The following JAK2 variants were observed in gnomAD, a reference collection of about 807,000 sequenced individuals.
JAK2 encodes the protein Janus kinase 2.
A neutral mutation model predicts 139.3 loss-of-function variants in JAK2; 86 were observed. The ratio of observed to expected loss-of-function variants is 0.62; its 90% CI spans 0.52 to 0.74. The LOEUF (loss-of-function observed/expected upper bound fraction) is 0.74. JAK2 is among the 30% of genes least tolerant of loss of function. The probability of loss-of-function intolerance (pLI) is 0.00; values close to 1 mark genes in which losing one functional copy is unlikely to be tolerated. For synonymous variants in JAK2, 490 were observed against 437.7 expected, an observed-to-expected ratio of 1.12 and a Z score of -1.49; for missense variants, 1,421 against 1,360.3, an observed-to-expected ratio of 1.04 and a Z score of -0.70.
chr9:5,037,741 A>G (rs1206474432), intron 4 of JAK2, among the ~76,000 whole-genome samples: 1 of 152,104 alleles, frequency 6.6e-6, no homozygotes, highest in African/African-American at 2.4e-5. Flanking sequence ...AGCATTAGGA[A>G]ATATACCTAA....
chr9:5,007,203 CAT>C (rs1821359820), intron 2 of JAK2, among the ~76,000 whole-genome samples: 1 of 151,952 alleles, frequency 6.6e-6, no homozygotes, highest in African/African-American at 2.4e-5. Flanking sequence ...TATTTAATAA[CAT>C]TGTTCAGCCT....
intron 8 of JAK2, among the ~76,000 whole-genome samples, chr9:5,059,052 G>A (rs758609675): frequency 2.0e-5 from 3 of 152,002 alleles, no homozygotes; most frequent in Non-Finnish European, 4.4e-5. Flanking sequence ...AACTTTTGTT[G>A]CCTATTTTTC....
At chr9:5,085,515 A>C in intron 19 of JAK2, 1 of 717,868 alleles carries the variant, frequency 1.4e-6, no homozygotes, top group Non-Finnish European at 2.6e-6. Context: ...GAAGAAATTC[A>C]CCACACACCA....
In JAK2 at chr9:5,089,945, G is replaced by C. The variant is rs1050101906; in HGVS notation, c.2761+82G>C. On this transcript the variant is annotated intron_variant, in intron 20 of 24. Coordinates refer to ENST00000381652, the MANE Select transcript of JAK2 (RefSeq NM_004972.4). ...TAATATAAATGTACAATGTCTTAACGATCTGGACTTATGCCAATGCCCAGA... is the reference window on the plus strand; with the variant it reads ...TAATATAAATGTACAATGTCTTAACCATCTGGACTTATGCCAATGCCCAGA... The C allele has an allele frequency of 3.7e-5, 35 of 951,336 alleles. No homozygotes were observed. In the African/African-American group the frequency reaches 4.8e-4, roughly 13 times the overall value. 58.9% of individuals were successfully genotyped at this position (951,336 alleles called of 1,614,324 possible). A position where few individuals can be genotyped will look rare whatever the true frequency, so the allele number is the denominator to read the frequency against.
intron 5 of JAK2, among the ~76,000 whole-genome samples, chr9:5,044,924 G>A (rs1406507564): frequency 6.6e-6 from 1 of 152,158 alleles, no homozygotes; most frequent in African/African-American, 2.4e-5. Flanking sequence ...GAACTGTAGA[G>A]AAAGTAGGTT....
intron 23 of JAK2, among the ~76,000 whole-genome samples, chr9:5,124,450 T>C (rs1465841414): frequency 6.6e-6 from 1 of 151,736 alleles, no homozygotes; most frequent in African/African-American, 2.4e-5. Context: ...ACCAGCACCA[T>C]TTATTGAAAA....
intron 4 of JAK2, chr9:5,041,082 C>A: frequency 1.4e-6 from 1 of 704,160 alleles, no homozygotes; most frequent in Non-Finnish European, 2.5e-6. Flanking sequence ...CTACTACCTA[C>A]TACAGCCTGG....
Position 5,098,295 on chromosome 9 carries a change from G to C in JAK2, c.3059+7384G>C, listed in dbSNP as rs117702154. 4 of 152,230 alleles carry C rather than the reference G, an allele frequency of 2.6e-5. No individual in the cohort carries two copies. The East Asian group carries it at 7.7e-4, about 29-fold the overall frequency. The allele number at this position is 152,230 out of a possible 1,614,324, so 9.4% of individuals were successfully genotyped here. On this transcript the variant is annotated intron_variant, in intron 22 of 24. Transcript: ENST00000381652. Reference sequence around the variant, plus strand: ...GATAAGATATTAGCAAATTCATTACGTAACTTTGTCAAAGTTAAGTTATAG... The same window carrying C: ...GATAAGATATTAGCAAATTCATTACCTAACTTTGTCAAAGTTAAGTTATAG...
chr9:5,073,982 T>A lies in JAK2; in HGVS notation c.1864+197T>A, dbSNP rs566030654. Among the ~76,000 whole-genome samples, 7 of 152,252 alleles carry A rather than the reference T, an allele frequency of 4.6e-5. No homozygotes were observed. In the East Asian group the frequency reaches 1.2e-3, roughly 25 times the overall value. On this transcript the variant is annotated intron_variant, in intron 14 of 24. Transcript: ENST00000381652. ...AAAAGGAAAGCAATGAAGTTAAAAG[T>A]AGAAGGTTACAATGCCCAAACAATA... is the stretch of plus-strand genomic sequence containing the variant.
At chr9:5,112,590 C>G (rs956641486) in intron 22 of JAK2, 2 of 744,290 alleles carry the variant, frequency 2.7e-6, no homozygotes, top group East Asian at 5.8e-5. Flanking sequence ...CTTAAGAGGG[C>G]TCTTAAGGAG....
intron 22 of JAK2, among the ~76,000 whole-genome samples, chr9:5,104,551 C>T (rs1435869162): frequency 4.6e-5 from 7 of 152,198 alleles, no homozygotes; most frequent in Admixed American, 1.3e-4. Context: ...TCCTCCCTAA[C>T]TCATTTTATG....
intron 4 of JAK2, among the ~76,000 whole-genome samples, chr9:5,036,102 G>A (rs1250949378): frequency 6.6e-6 from 1 of 152,166 alleles, no homozygotes; most frequent in African/African-American, 2.4e-5. Flanking sequence ...CAAACAGAGA[G>A]CCAAATCATG....
At chr9:5,089,903 G>GTGTT in intron 20 of JAK2, 40 bp downstream of exon 20, 1 of 1,344,342 alleles carries the variant, frequency 7.4e-7, no homozygotes, top group Non-Finnish European at 9.8e-7. Context: ...TTCAAGGTAT[G>GTGTT]TGTTTGGCAT....
chr9:5,033,054 A>T (rs1427865023), intron 4 of JAK2, among the ~76,000 whole-genome samples: 1 of 152,172 alleles, frequency 6.6e-6, no homozygotes, highest in Admixed American at 6.5e-5. Context: ...TCCTTAAAGG[A>T]CCTGATGGAG....
chr9:5,088,627 A>G (rs1182788399), intron 19 of JAK2, among the ~76,000 whole-genome samples: 2 of 152,176 alleles, frequency 1.3e-5, no homozygotes, highest in Non-Finnish European at 2.9e-5. Flanking sequence ...AATACCATAG[A>G]CTGGGTAGCT....
intron 19 of JAK2, chr9:5,085,999 G>T: frequency 1.1e-6 from 1 of 877,178 alleles, no homozygotes; most frequent in South Asian, 1.3e-5. Flanking sequence ...GTTGTGTGAT[G>T]AAACTGTGAT....
intron 4 of JAK2, chr9:5,041,194 C>A (rs557089075): frequency 1.4e-6 from 2 of 1,422,246 alleles, no homozygotes; most frequent in South Asian, 2.3e-5. Flanking sequence ...TTTACCAGGA[C>A]GTGAAGCCCG....
intron 8 of JAK2, among the ~76,000 whole-genome samples, chr9:5,060,741 A>G (rs1483508657): frequency 2.6e-5 from 4 of 152,202 alleles, no homozygotes; most frequent in African/African-American, 9.7e-5. Context: ...TAACACTTTG[A>G]CCTTCTTCCA....
intron 22 of JAK2, chr9:5,112,021 G>A (rs1822614878): frequency 7.4e-6 from 3 of 404,106 alleles, no homozygotes; most frequent in Non-Finnish European, 1.5e-5. Context: ...CCTGGAGCAG[G>A]AGTCCCTGGT....
Sources: allele counts gnomAD v4.1 joint callset (sites outside exome capture counted in the v4.1 genomes callset), GRCh38; gene constraint gnomAD v4.1.1; transcripts MANE v1.5; gene names NCBI Gene and HGNC (gene_info 2026-07-23, HGNC 2026-07-21).